Variants in RBFOX1 observed in about 807,000 individuals in gnomAD.
RBFOX1 encodes the protein RNA binding protein fox-1 homolog 1.
In RBFOX1, 8 loss-of-function variants were observed where a neutral mutation model predicts 57.7. The ratio of observed to expected loss-of-function variants is 0.14; its 90% CI spans 0.08 to 0.25. The LOEUF (loss-of-function observed/expected upper bound fraction) is 0.25, where lower values mean the gene tolerates loss of function less well. Ranked by LOEUF, RBFOX1 falls within the 10% of genes least tolerant of loss-of-function variation. RBFOX1 has a pLI of 1.00. For synonymous variants in RBFOX1, 326 were observed against 222.4 expected, an observed-to-expected ratio of 1.47 and a Z score of -4.15; for missense variants, 611 against 548.5, an observed-to-expected ratio of 1.11 and a Z score of -1.14.
At chr16:5,579,354 C>G (rs911484024) in intron 2 of RBFOX1, among the ~76,000 whole-genome samples, 1 of 152,084 alleles carries the variant, frequency 6.6e-6, no homozygotes, top group Non-Finnish European at 1.5e-5. Flanking sequence ...TCCTAATCTC[C>G]TCTTTCTCAT....
chr16:6,682,216 A>G (rs1472915842), intron 3 of RBFOX1, among the ~76,000 whole-genome samples: 1 of 152,196 alleles, frequency 6.6e-6, no homozygotes, highest in Non-Finnish European at 1.5e-5. Flanking sequence ...ACAGCAACGA[A>G]CAACGCAACA....
chr16:5,439,720 C>T (rs1209252300), intron 1 of RBFOX1, among the ~76,000 whole-genome samples: 1 of 152,102 alleles, frequency 6.6e-6, no homozygotes, highest in African/African-American at 2.4e-5. Flanking sequence ...GCTGGGATTA[C>T]AGGTTTGAGC....
intron 3 of RBFOX1, among the ~76,000 whole-genome samples, chr16:6,698,572 A>T (rs2061380922): frequency 6.6e-6 from 1 of 152,040 alleles, no homozygotes; most frequent in Admixed American, 6.6e-5. Flanking sequence ...CATCATCGTC[A>T]ATTAGTATTT....
At chr16:7,106,469 G>T (rs925707548) in intron 4 of RBFOX1, among the ~76,000 whole-genome samples, 20 of 152,110 alleles carry the variant, frequency 1.3e-4, no homozygotes, top group African/African-American at 4.1e-4. Context: ...TGTAAGTGAT[G>T]AACTTAAGTC....
At chr16:6,085,432 C>T (rs2096069648) in intron 1 of RBFOX1, among the ~76,000 whole-genome samples, 1 of 152,002 alleles carries the variant, frequency 6.6e-6, no homozygotes, top group South Asian at 2.1e-4. Flanking sequence ...GCCGCTATGC[C>T]CAGCTAATTT....
rs139187072 is a variant in RBFOX1 at position 6,877,178 on chromosome 16, C to T, written c.-15-174879C>T. ...ACGAATGAAAAAAGATATCTTATTT[C>T]TGCAGCCGTTACATTTAAAAAGTGC... On this transcript the variant is annotated intron_variant, in intron 3 of 15. Coordinates refer to ENST00000550418, the MANE Select transcript of RBFOX1 (RefSeq NM_018723.4). Among the ~76,000 whole-genome samples, 1,302 of 152,300 alleles carry T rather than the reference C, an allele frequency of 8.5e-3. 4 individuals are homozygous for T. The highest frequency in any genetic ancestry group is 0.013 in the Non-Finnish European group (917 of 68,016).
At chr16:6,812,893 C>A (rs926575358) in intron 3 of RBFOX1, among the ~76,000 whole-genome samples, 2 of 152,152 alleles carry the variant, frequency 1.3e-5, no homozygotes, top group African/African-American at 4.8e-5. Flanking sequence ...TCCATCATGT[C>A]AGAGTGACGA....
At chr16:6,498,905 A>G (rs897926888) in intron 2 of RBFOX1, among the ~76,000 whole-genome samples, 2 of 152,182 alleles carry the variant, frequency 1.3e-5, no homozygotes, top group African/African-American at 4.8e-5. Flanking sequence ...ACCACCTTCT[A>G]TAGGCTTATA....
chr16:6,874,563 C>T (rs1022912876), intron 3 of RBFOX1, among the ~76,000 whole-genome samples: 1 of 149,048 alleles, frequency 6.7e-6, no homozygotes, highest in Admixed American at 6.7e-5. Flanking sequence ...TCGCAACAAC[C>T]TGGATGGAGT....
Position 7,453,887 on chromosome 16 carries a change from C to T in RBFOX1, c.28-64260C>T, listed in dbSNP as rs9922826. On this transcript the variant is annotated intron_variant, in intron 4 of 15. Coordinates refer to ENST00000550418, the MANE Select transcript of RBFOX1 (RefSeq NM_018723.4). ...GTCTTCACCAAAGGCTAGAAGTTGT[C>T]CTCGCAAAGAAGGAGTGGAGGAAGT... is the stretch of plus-strand genomic sequence containing the variant. Among the ~76,000 whole-genome samples, 501 of 152,252 alleles carry T rather than the reference C, an allele frequency of 3.3e-3. 1 individual carries two copies. The highest frequency in any genetic ancestry group is 0.012 in the African/African-American group (484 of 41,546).
At position 7,504,785 on chromosome 16, in the gene RBFOX1, A is replaced by T. The variant is rs866517614; in HGVS notation, c.28-13362A>T. On this transcript the variant is annotated intron_variant, in intron 4 of 15. Coordinates refer to ENST00000550418, the MANE Select transcript of RBFOX1 (RefSeq NM_018723.4). ...TATATATATATTTATATATATATAT[A>T]TTTATATATATATATATTTATATAT... Among the ~76,000 whole-genome samples, 36 of 18,272 alleles carry T rather than the reference A, an allele frequency of 2.0e-3. 4 individuals are homozygous for T. The highest frequency in any genetic ancestry group is 7.3e-3 in the African/African-American group (30 of 4,116). The allele number at this position is 18,272 out of a possible 152,430, so 12.0% of individuals were successfully genotyped here.
chr16:7,063,926 A>G (rs2055255181), intron 4 of RBFOX1, among the ~76,000 whole-genome samples: 1 of 152,312 alleles, frequency 6.6e-6, no homozygotes, highest in East Asian at 1.9e-4. Flanking sequence ...ATCAGCATCC[A>G]TGGACTTTGG....
intron 3 of RBFOX1, among the ~76,000 whole-genome samples, chr16:6,910,108 C>T (rs1315605504): frequency 6.6e-6 from 1 of 151,938 alleles, no homozygotes; most frequent in Non-Finnish European, 1.5e-5. Flanking sequence ...CCACGGAAAA[C>T]CTTGGTAGCG....
At chr16:5,807,244 C>T (rs1008274232) in intron 3 of RBFOX1, among the ~76,000 whole-genome samples, 1 of 152,232 alleles carries the variant, frequency 6.6e-6, no homozygotes. Context: ...CATCCCTCCT[C>T]TCCCTTCACG....
At chr16:7,422,008 G>C (rs1192592738) in intron 4 of RBFOX1, among the ~76,000 whole-genome samples, 2 of 152,152 alleles carry the variant, frequency 1.3e-5, no homozygotes, top group Non-Finnish European at 2.9e-5. Flanking sequence ...AAAACCCTCA[G>C]AGGCTCTGAG....
At chr16:7,412,750 C>G (rs1278204504) in intron 4 of RBFOX1, among the ~76,000 whole-genome samples, 1 of 152,142 alleles carries the variant, frequency 6.6e-6, no homozygotes, top group Non-Finnish European at 1.5e-5. Context: ...CTGATTTAAT[C>G]ATGGAATTAC....
intron 1 of RBFOX1, among the ~76,000 whole-genome samples, chr16:6,116,210 G>A (rs2096494384): frequency 6.6e-6 from 1 of 150,888 alleles, no homozygotes; most frequent in African/African-American, 2.4e-5. Context: ...ATAAAGGGGA[G>A]TTGAACAATG....
chr16:7,252,173 C>T (rs1567899796), intron 4 of RBFOX1, among the ~76,000 whole-genome samples: 1 of 152,208 alleles, frequency 6.6e-6, no homozygotes, highest in African/African-American at 2.4e-5. Flanking sequence ...TTTCTTACAT[C>T]ATCAAAAAGG....
At chr16:6,507,962 C>A (rs150641650) in intron 2 of RBFOX1, among the ~76,000 whole-genome samples, 2 of 152,016 alleles carry the variant, frequency 1.3e-5, no homozygotes, top group Admixed American at 1.3e-4. Context: ...TGGAATCAAC[C>A]TAAATGCCCA....
Sources: allele counts gnomAD v4.1 joint callset (sites outside exome capture counted in the v4.1 genomes callset), GRCh38; gene constraint gnomAD v4.1.1; transcripts MANE v1.5; gene names NCBI Gene and HGNC (gene_info 2026-07-23, HGNC 2026-07-21).